The following PXDN variants were observed in gnomAD, a reference collection of about 807,000 sequenced individuals.
PXDN encodes peroxidasin homolog.
A neutral mutation model predicts 140.3 loss-of-function variants in PXDN; 77 were observed. The ratio of observed to expected loss-of-function variants is 0.55; its 90% confidence interval spans 0.46 to 0.66. The LOEUF (loss-of-function observed/expected upper bound fraction) is 0.66, where lower values mean the gene tolerates loss of function less well. Among genes scored for constraint, PXDN ranks in the 30% least tolerant of loss-of-function variants. The pLI is 0.00. For missense variants in PXDN, 1,838 were observed against 2,039.5 expected (o/e 0.90, Z 1.90); for synonymous variants, 911 against 857.4 (o/e 1.06, Z -1.09).
Position 1,729,568 on chromosome 2 carries a change from G to GGC in PXDN, c.200+14687_200+14688insGC, listed in dbSNP as rs1685265402. ...CAGAATGTTCCTACAGCAGGGTGGG[G>GGC]GAGGGGGGTGAGGGATAAAAGTCTA... is the stretch of plus-strand genomic sequence containing the variant. On this transcript the variant is annotated intron_variant, in intron 1 of 22. Coordinates refer to ENST00000252804, the MANE Select transcript of PXDN (RefSeq NM_012293.3). Among the ~76,000 whole-genome samples the GGC allele has an allele frequency of 5.3e-5, 8 of 151,150 alleles. No individual in the cohort carries two copies. The South Asian group carries it at 1.7e-3, about 31-fold the overall frequency.
In PXDN at chr2:1,673,776, G is replaced by A. The variant is rs779278025; in HGVS notation, c.885C>T (p.Asn295=). 1 of 1,614,024 alleles carries A rather than the reference G, an allele frequency of 6.2e-7. No homozygotes were observed. Residue 295 remains asparagine, a synonymous_variant, in exon 9 of 23, where the codon AAC becomes AAT. Transcript: ENST00000252804. ...ELSMKTDSRL[N]LLDDGTLMIQ... is the part of the protein sequence containing the mutation. ...TCATCAGGGTCCCATCGTCCAGCAAGTTTAGGCGGGAATCTGTCTTCATGC... is the reference window on the plus strand; with the variant it reads ...TCATCAGGGTCCCATCGTCCAGCAAATTTAGGCGGGAATCTGTCTTCATGC...
intron 1 of PXDN, among the ~76,000 whole-genome samples, chr2:1,731,800 C>T (rs577843702): frequency 2.6e-5 from 4 of 152,288 alleles, no homozygotes; most frequent in African/African-American, 9.6e-5. Context: ...GGGGCAGGAA[C>T]TCACACTGTT....
chr2:1,648,210 A>G lies in PXDN; in HGVS notation c.3570T>C (p.Asn1190=), dbSNP rs2125410277. 6.2e-7 allele frequency: 1 copy of G among 1,612,950 alleles called. No homozygotes were observed. The highest frequency in any genetic ancestry group is 1.7e-5 in the Admixed American group (1 of 59,956). ...CCCGGATCTCAGGGTTTTTAATCTC[A>G]TTTTTCAGGTCCTCGAACGTGTGTG... The part of the protein sequence containing the change: ...SAAHTFEDLK[N]EIKNPEIREK... Residue 1190 remains asparagine (N), a synonymous_variant, in exon 17 of 23, where the codon AAT becomes AAC. Transcript: ENST00000252804. The surrounding 1 kb of genome is among the most constrained non-coding windows in gnomAD (Gnocchi z 8.9).
chr2:1,657,035 C>G (rs528154105), intron 14 of PXDN, among the ~76,000 whole-genome samples: 10 of 149,976 alleles, frequency 6.7e-5, no homozygotes, highest in African/African-American at 2.0e-4. Context: ...CCCCTGCTGA[C>G]AGGGACTGAC....
At chr2:1,732,961 T>C (rs940599332) in intron 1 of PXDN, among the ~76,000 whole-genome samples, 2 of 152,164 alleles carry the variant, frequency 1.3e-5, no homozygotes, top group African/African-American at 4.8e-5. Flanking sequence ...TTGAAAAACA[T>C]GTAGAATTAA....
intron 1 of PXDN, among the ~76,000 whole-genome samples, chr2:1,705,303 G>A (rs1684569614): frequency 1.3e-5 from 2 of 152,190 alleles, no homozygotes; most frequent in South Asian, 2.1e-4. Flanking sequence ...GGGGTTGGGA[G>A]GGGTGAATGT....
chr2:1,717,842 C>CTAACCTACT (rs1189100757), intron 1 of PXDN, among the ~76,000 whole-genome samples: 9 of 151,464 alleles, frequency 5.9e-5, no homozygotes, highest in African/African-American at 1.7e-4. Context: ...ACCTGCTCTA[C>CTAACCTACT]CCACTAACCG....
Position 1,647,764 on chromosome 2 carries a change from T to A in PXDN, c.3608+408A>T, listed in dbSNP as rs1257275656. ...GCTCTGCCTCTCTCTCTGCCCCTGA[T>A]ACAACAGCAGGAACCCGAAGCTGCC... On this transcript the variant is annotated intron_variant, in intron 17 of 22. Transcript: ENST00000252804. Among the ~76,000 whole-genome samples, 3 of 152,204 alleles carry A rather than the reference T, an allele frequency of 2.0e-5. No homozygotes were observed. In the East Asian group the frequency reaches 5.8e-4, roughly 29 times the overall value.
intron 1 of PXDN, among the ~76,000 whole-genome samples, chr2:1,744,027 C>T (rs1685625802): frequency 1.3e-5 from 2 of 152,126 alleles, no homozygotes; most frequent in Non-Finnish European, 2.9e-5. Context: ...GCGCTCTGTT[C>T]CGCCCCTCGG....
chr2:1,645,773 C>CT (rs1375934926), intron 17 of PXDN: 1 of 152,256 alleles, frequency 6.6e-6, no homozygotes, highest in East Asian at 1.9e-4. Context: ...GAGGACAGCA[C>CT]ACTAGGGCCA....
At chr2:1,724,789 G>A (rs748664656) in intron 1 of PXDN, among the ~76,000 whole-genome samples, 1 of 152,164 alleles carries the variant, frequency 6.6e-6, no homozygotes, top group Admixed American at 6.5e-5. Context: ...AAATCAGGAA[G>A]TGTAATGCCT....
At chr2:1,705,122 G>A (rs1684561067) in intron 1 of PXDN, among the ~76,000 whole-genome samples, 2 of 33,428 alleles carry the variant, frequency 6.0e-5, no homozygotes, top group Admixed American at 3.5e-4. Context: ...CGTGAGAGCA[G>A]AGGGCACGTC....
At chr2:1,681,060 C>A (rs1207913393) in intron 6 of PXDN, among the ~76,000 whole-genome samples, 1 of 152,262 alleles carries the variant, frequency 6.6e-6, no homozygotes, top group East Asian at 1.9e-4. Flanking sequence ...CAAACACAGG[C>A]TACAGGGCAA....
chr2:1,687,539 A>G lies in PXDN; in HGVS notation c.416+93T>C. 2.1e-6 allele frequency: 2 copies of G among 974,544 alleles called. No individual in the cohort carries two copies. Among genetic ancestry groups the G allele is most frequent in the Non-Finnish European group, 3.0e-6 (2 of 675,166 alleles). The allele number at this position is 974,544 out of a possible 1,614,324, so 60.4% of individuals were successfully genotyped here. A position where few individuals can be genotyped will look rare whatever the true frequency, so the allele number is the denominator to read the frequency against. ...ACCTCAGGTAGCATAGTCATGCATC[A>G]TGCAAACAGCTAGCTCACTCCACTG... is the stretch of plus-strand genomic sequence containing the variant. On this transcript the variant is annotated intron_variant, in intron 4 of 22. Transcript: ENST00000252804. This position sits in a 1 kb window ranked among gnomAD's most constrained non-coding sequence, Gnocchi z 4.0.
At chr2:1,732,578 A>G (rs562915483) in intron 1 of PXDN, among the ~76,000 whole-genome samples, 1 of 152,324 alleles carries the variant, frequency 6.6e-6, no homozygotes, top group South Asian at 2.1e-4. Flanking sequence ...AGCCTTAGTA[A>G]AGCACTGCTC....
intron 15 of PXDN, 200 bp from the exon 16 acceptor site, chr2:1,653,985 A>G (rs1187652016): frequency 1.7e-6 from 1 of 603,656 alleles, no homozygotes; most frequent in Non-Finnish European, 2.8e-6. Flanking sequence ...AAGACACTAA[A>G]AACAAATAAT....
chr2:1,647,939 C>G (rs183921452), intron 17 of PXDN, among the ~76,000 whole-genome samples: 3 of 152,132 alleles, frequency 2.0e-5, no homozygotes, highest in Non-Finnish European at 2.9e-5. Flanking sequence ...CAAAACAGGC[C>G]GGTGGAAGGG....
intron 1 of PXDN, among the ~76,000 whole-genome samples, chr2:1,706,972 C>A (rs56136654): frequency 4.2e-5 from 3 of 71,404 alleles, no homozygotes; most frequent in Admixed American, 1.3e-4. Flanking sequence ...TCCGAGAGCA[C>A]GCTTCACTGT....
intron 9 of PXDN, among the ~76,000 whole-genome samples, chr2:1,671,492 G>T (rs1683575183): frequency 6.6e-6 from 1 of 151,562 alleles, no homozygotes; most frequent in Non-Finnish European, 1.5e-5. Flanking sequence ...AAAAATGGTG[G>T]GAAAAGACAC....
Sources: allele counts gnomAD v4.1 joint callset (sites outside exome capture counted in the v4.1 genomes callset), GRCh38; gene constraint gnomAD v4.1.1; non-coding constraint Gnocchi (gnomAD v3.1); transcripts MANE v1.5; gene names NCBI Gene and HGNC (gene_info 2026-07-23, HGNC 2026-07-21).